Variants in ZNF10 observed in about 807,000 individuals in gnomAD.
The protein encoded by ZNF10 is zinc finger protein 10, also known as zinc finger protein 10 (KOX 1).
A neutral mutation model predicts 12.2 loss-of-function variants in ZNF10; 8 were observed. That is an observed-to-expected ratio of 0.66 (90% CI 0.39 to 1.18). ZNF10 has a LOEUF of 1.18. ZNF10 is among the 50% of genes most tolerant of loss of function. The pLI is 0.01. For synonymous variants in ZNF10, 229 were observed against 228.2 expected, an observed-to-expected ratio of 1.00 and a Z score of -0.03; for missense variants, 603 against 678.9, an observed-to-expected ratio of 0.89 and a Z score of 1.24.
intron 4 of ZNF10, among the ~76,000 whole-genome samples, 189 bp downstream of exon 4, chr12:133,152,093 T>C (rs1956012275): frequency 6.6e-6 from 1 of 152,240 alleles, no homozygotes; most frequent in South Asian, 2.1e-4. Flanking sequence ...AAGGTTTCTC[T>C]GTCTGTTGAC....
At chr12:133,146,084 G>T (rs149784084) in intron 2 of ZNF10, among the ~76,000 whole-genome samples, 1 of 152,200 alleles carries the variant, frequency 6.6e-6, no homozygotes, top group African/African-American at 2.4e-5. Context: ...GTGAGTCAAG[G>T]ACTAGTGGAA....
chr12:133,156,745 G>A lies in ZNF10; in HGVS notation c.1499G>A (p.Arg500Gln). The A allele has an allele frequency of 2.5e-6, 4 of 1,607,600 alleles. No homozygotes were observed. The highest frequency in any genetic ancestry group is 3.4e-6 in the Non-Finnish European group (4 of 1,177,664). ...TGTCAGTGTGGGAAAGCCTTCATCC[G>A]GAAGAATGACCTCATTAAGCACCAG... ...ECCQCGKAFI[R>Q]KNDLIKHQRI... The change falls in exon 5 of 5, where the codon CGG (arginine) becomes CAG (glutamine). Residue 500 changes from arginine to glutamine, a missense_variant. Physicochemically the swap from Arg to Gln is conservative, Grantham distance 43. This residue lies in a region of ZNF10 where 204 missense variants were observed against 262.8 expected (regional missense o/e 0.78). Coordinates refer to ENST00000248211, the MANE Select transcript of ZNF10 (RefSeq NM_015394.5).
Position 133,156,975 on chromosome 12 carries a change from T to G in ZNF10, c.*7T>G. Reference sequence around the variant, plus strand: ...TAGAGAAAATGCTTACTAATAAATATGGGAATTTTTCACAAAGAGCAATGA... The same window carrying G: ...TAGAGAAAATGCTTACTAATAAATAGGGGAATTTTTCACAAAGAGCAATGA... On this transcript the variant is annotated 3_prime_UTR_variant, in exon 5 of 5. Transcript: ENST00000248211. The G allele has an allele frequency of 7.1e-7, 1 of 1,412,394 alleles. No homozygotes were observed. The highest frequency in any genetic ancestry group is 9.3e-7 in the Non-Finnish European group (1 of 1,080,706). The allele number at this position is 1,412,394 out of a possible 1,614,324, so 87.5% of individuals were successfully genotyped here.
chr12:133,155,893 G>A lies in ZNF10; in HGVS notation c.647G>A (p.Gly216Asp). The A allele has an allele frequency of 6.2e-7, 1 of 1,613,768 alleles. No individual in the cohort carries two copies. ...DSCASNSNEC[G>D]QTFCQNIHLI... ...TGTGCAAGTAACAGTAATGAATGTG[G>A]TCAAACTTTCTGTCAAAACATTCAC... Residue 216 changes from glycine (G) to aspartate (D), a missense_variant, in exon 5 of 5, where the codon GGT becomes GAT. Physicochemically the swap from Gly to Asp is moderately conservative, Grantham distance 94. Coordinates refer to ENST00000248211, the MANE Select transcript of ZNF10 (RefSeq NM_015394.5).
intron 2 of ZNF10, among the ~76,000 whole-genome samples, chr12:133,147,848 G>A (rs903790105): frequency 6.7e-6 from 1 of 148,786 alleles, no homozygotes; most frequent in Non-Finnish European, 1.5e-5. Context: ...GGCTGGTCTC[G>A]AACTGCTGAA....
intron 3 of ZNF10, 103 bp downstream of exon 3, chr12:133,151,257 G>A (rs79188299): frequency 0.029 from 34,278 of 1,193,484 alleles, 655 homozygotes; most frequent in Admixed American, 0.075. Context: ...GGCGTTCAGA[G>A]ACCTAATTTC....
Position 133,155,694 on chromosome 12 carries a change from G to A in ZNF10, c.448G>A (p.Val150Met). 6.2e-7 allele frequency: 1 copy of A among 1,612,190 alleles called. No individual in the cohort carries two copies. The highest frequency in any genetic ancestry group is 8.5e-7 in the Non-Finnish European group (1 of 1,179,478). ...AAACCCAGAGAGACATTTGAGGCAA[G>A]TGGCATTCACCCAAAAGAAAGTACT... Reference protein sequence around the residue: ...QENPERHLRQVAFTQKKVLTQ... With the variant: ...QENPERHLRQMAFTQKKVLTQ... The change falls in exon 5 of 5, where the codon GTG becomes ATG. Residue 150 changes from valine (V) to methionine (M), a missense_variant. Around this residue, in one of 3 missense-constraint regions of ZNF10, gnomAD observed 393 missense variants for 399.7 expected, o/e 0.98. Transcript: ENST00000248211.
At chr12:133,150,918 C>G (rs1469577630) in intron 2 of ZNF10, 110 bp from the exon 3 acceptor site, 3 of 1,385,480 alleles carry the variant, frequency 2.2e-6, no homozygotes, top group East Asian at 4.7e-5. Flanking sequence ...GGTCCATCCA[C>G]TTTACCTGCC....
At chr12:133,134,515 C>T (rs952862123) in intron 1 of ZNF10, among the ~76,000 whole-genome samples, 4 of 152,082 alleles carry the variant, frequency 2.6e-5, no homozygotes, top group African/African-American at 9.7e-5. Flanking sequence ...CACAGCTCTG[C>T]CAACACCTTA....
chr12:133,152,517 C>T (rs1956015270), intron 4 of ZNF10, among the ~76,000 whole-genome samples: 2 of 152,116 alleles, frequency 1.3e-5, no homozygotes, highest in East Asian at 3.9e-4. Context: ...CAGGTTTAAG[C>T]GATTCTTCCG....
chr12:133,146,452 T>A (rs1566347632), intron 2 of ZNF10, among the ~76,000 whole-genome samples: 1 of 152,200 alleles, frequency 6.6e-6, no homozygotes, highest in African/African-American at 2.4e-5. Context: ...ACATTCCATT[T>A]AAAATTTTTT....
At chr12:133,155,088 AAAG>A (rs1956031136) in intron 4 of ZNF10, among the ~76,000 whole-genome samples, 2 of 152,164 alleles carry the variant, frequency 1.3e-5, no homozygotes, top group African/African-American at 4.8e-5. Context: ...AAAAAAAAAA[AAAG>A]AGAGAGAATA....
At chr12:133,144,125 G>C (rs1040381405) in intron 1 of ZNF10, 1 of 166,412 alleles carries the variant, frequency 6.0e-6, no homozygotes, top group Admixed American at 6.1e-5. Context: ...ATTTGATTAG[G>C]TCAGGTTTGG....
At chr12:133,131,554 A>G (rs1395838573) in intron 1 of ZNF10, among the ~76,000 whole-genome samples, 1 of 152,094 alleles carries the variant, frequency 6.6e-6, no homozygotes, top group African/African-American at 2.4e-5. Context: ...TAGGTTAGAA[A>G]TGACTGCAGT....
rs113093893 is a variant in ZNF10, at chr12:133,151,195, G to A, written c.160+41G>A. 47 of 1,589,456 alleles carry A rather than the reference G, an allele frequency of 3.0e-5. No individual in the cohort carries two copies. The African/African-American group carries it at 5.2e-4, about 18-fold the overall frequency. On this transcript the variant is annotated intron_variant, in intron 3 of 4. Coordinates refer to ENST00000248211, the MANE Select transcript of ZNF10 (RefSeq NM_015394.5). ...TTTTTGAAGATTTTGGTTCTCCATT[G>A]ATCAAAAGGTACAGAGACCCTGAAG...
At position 133,136,278 on chromosome 12, in the gene ZNF10, C is replaced by G. The variant is rs149519189; in HGVS notation, c.-60+5524C>G. ...CACTCTGACCCCACCACCTCTTCTACCTGCCCTTTCTCTTCCTTCTCCACT... is the reference window on the plus strand; with the variant it reads ...CACTCTGACCCCACCACCTCTTCTAGCTGCCCTTTCTCTTCCTTCTCCACT... On this transcript the variant is annotated intron_variant, in intron 1 of 4. Coordinates refer to ENST00000248211, the MANE Select transcript of ZNF10 (RefSeq NM_015394.5). Among the ~76,000 whole-genome samples, 5 of 152,288 alleles carry G rather than the reference C, an allele frequency of 3.3e-5. No individual in the cohort carries two copies. The East Asian group carries it at 9.6e-4, about 29-fold the overall frequency.
chr12:133,144,599 GA>G, intron 2 of ZNF10, 74 bp downstream of exon 2: 1 of 1,430,046 alleles, frequency 7.0e-7, no homozygotes, highest in Non-Finnish European at 9.7e-7. Context: ...AAGATCTTCA[GA>G]AATTATATCT....
chr12:133,155,056 C>A (rs1439189030), intron 4 of ZNF10, among the ~76,000 whole-genome samples: 1 of 143,580 alleles, frequency 7.0e-6, no homozygotes, highest in Non-Finnish European at 1.5e-5. Context: ...CCAGCCTGGA[C>A]AACAAGAGCG....
chr12:133,145,937 C>T (rs1593843145), intron 2 of ZNF10, among the ~76,000 whole-genome samples: 2 of 152,188 alleles, frequency 1.3e-5, no homozygotes, highest in African/African-American at 2.4e-5. Flanking sequence ...GTGGTGTCCC[C>T]ATGATATGCT....
Sources: gnomAD v4.1 joint callset for allele counts (sites outside exome capture counted in the v4.1 genomes callset) on GRCh38, gnomAD v4.1.1 for gene constraint, gnomAD v4.1.1 regional missense constraint, MANE v1.5 for transcripts, NCBI Gene and HGNC (gene_info 2026-07-23, HGNC 2026-07-21) for gene names.